NT5C3A: variants seen among roughly 807,000 people sequenced by gnomAD.
The protein encoded by NT5C3A is cytosolic 5'-nucleotidase 3A.
Under a neutral mutation model 40.0 loss-of-function variants are expected in NT5C3A, and 23 were observed. That is an observed-to-expected ratio of 0.58 (90% CI 0.41 to 0.81). The LOEUF is 0.81. Ranked by LOEUF, NT5C3A falls within the 40% of genes least tolerant of loss-of-function variation. The probability of loss-of-function intolerance (pLI) is 0.00; values close to 1 mark genes in which losing one functional copy is unlikely to be tolerated. For missense variants in NT5C3A, 328 were observed against 403.0 expected, an observed-to-expected ratio of 0.81 and a Z score of 1.59; for synonymous variants, 130 against 141.4, an observed-to-expected ratio of 0.92 and a Z score of 0.57.
chr7:33,022,244 A>T, intron 3 of NT5C3A, 145 bp from the exon 4 acceptor site: 1 of 621,606 alleles, frequency 1.6e-6, no homozygotes, highest in Non-Finnish European at 2.9e-6. Context: ...CAAGTCAACT[A>T]GCATGGTTAT....
In NT5C3A at chr7:33,026,849, C is replaced by T. The variant is rs1378334917; in HGVS notation, c.205G>A (p.Gly69Ser). Residue 69 changes from glycine to serine, a missense_variant, in exon 2 of 9, where the codon GGT becomes AGT. Transcript: ENST00000610140. Reference protein sequence around the residue: ...NPTRVEEIICGLIKGGAAKLQ... With the variant: ...NPTRVEEIICSLIKGGAAKLQ... ...TTGGCAGCTCCTCCTTTGATAAGAC[C>T]ACAGATAATTTCTTCTACTCTTGTA... 12 of 1,612,202 alleles carry T rather than the reference C, an allele frequency of 7.4e-6. No individual in the cohort carries two copies. The highest frequency in any genetic ancestry group is 1.0e-5 in the Non-Finnish European group (12 of 1,179,636).
intron 1 of NT5C3A, among the ~76,000 whole-genome samples, chr7:33,055,064 C>T (rs1433633090): frequency 6.6e-6 from 1 of 152,170 alleles, no homozygotes; most frequent in Non-Finnish European, 1.5e-5. Flanking sequence ...GTGGCTCACA[C>T]CTGTAATCCC....
intron 3 of NT5C3A, chr7:33,023,732 G>A: frequency 3.6e-6 from 1 of 275,206 alleles, no homozygotes; most frequent in Non-Finnish European, 6.9e-6. Context: ...GATAAATGGT[G>A]TTTCTTCAGG....
intron 1 of NT5C3A, among the ~76,000 whole-genome samples, chr7:33,051,273 C>A (rs1170679525): frequency 2.0e-5 from 3 of 152,030 alleles, no homozygotes; most frequent in Non-Finnish European, 4.4e-5. Flanking sequence ...AAGTGATTCT[C>A]CTGCCTCAGC....
chr7:33,034,059 T>C (rs1221742906), intron 1 of NT5C3A, among the ~76,000 whole-genome samples: 2 of 151,344 alleles, frequency 1.3e-5, no homozygotes, highest in Non-Finnish European at 2.9e-5. Context: ...CCTGGATAAT[T>C]TTTTTGTATT....
At position 33,039,555 on chromosome 7, in the gene NT5C3A, G is replaced by GTTTTTTTTTTTTTTT. The variant is rs776873396; in HGVS notation, c.139-12641_139-12640insAAAAAAAAAAAAAAA. Among the ~76,000 whole-genome samples the GTTTTTTTTTTTTTTT allele has an allele frequency of 1.4e-4, 10 of 70,034 alleles. 3 individuals are homozygous for GTTTTTTTTTTTTTTT. Among genetic ancestry groups the GTTTTTTTTTTTTTTT allele is most frequent in the South Asian group, 1.0e-3 (2 of 1,986 alleles). 45.9% of individuals were successfully genotyped at this position (70,034 alleles called of 152,430 possible). A position where few individuals can be genotyped will look rare whatever the true frequency, so the allele number is the denominator to read the frequency against. ...TACTATTTGACTTTCTTAAGCTTGG[G>GTTTTTTTTTTTTTTT]TTTTTTGTTTTTTTTTTTTTTTAAT... On this transcript the variant is annotated intron_variant, in intron 1 of 8. Transcript: ENST00000610140.
chr7:33,044,638 T>TC (rs2128012214), intron 1 of NT5C3A, among the ~76,000 whole-genome samples: 1 of 152,304 alleles, frequency 6.6e-6, no homozygotes, highest in Admixed American at 6.5e-5. Context: ...AGATTTTTTT[T>TC]CCTCCCCTTT....
chr7:33,061,515 T>C (rs1389469126), intron 1 of NT5C3A, among the ~76,000 whole-genome samples: 1 of 152,144 alleles, frequency 6.6e-6, no homozygotes, highest in Non-Finnish European at 1.5e-5. Flanking sequence ...GCCTCCCAAA[T>C]AGCTGGGACA....
At chr7:33,019,849 A>G (rs1785530673) in intron 5 of NT5C3A, 125 bp from the exon 6 acceptor site, 2 of 677,158 alleles carry the variant, frequency 3.0e-6, no homozygotes, top group African/African-American at 3.6e-5. Context: ...AATTTTAGAG[A>G]TTGAAGTTCA....
At chr7:33,016,911 G>A (rs937358802) in intron 7 of NT5C3A, among the ~76,000 whole-genome samples, 1 of 151,630 alleles carries the variant, frequency 6.6e-6, no homozygotes, top group Non-Finnish European at 1.5e-5. Context: ...GGCTATGTGT[G>A]GTGGCTCATG....
intron 1 of NT5C3A, among the ~76,000 whole-genome samples, chr7:33,028,275 T>C (rs1786057194): frequency 6.6e-6 from 1 of 152,084 alleles, no homozygotes; most frequent in Non-Finnish European, 1.5e-5. Context: ...TCTTAAAAAA[T>C]GGGTGTAGGC....
At chr7:33,062,438 C>T (rs1021277965) in intron 1 of NT5C3A, 130 bp downstream of exon 1, 5 of 827,770 alleles carry the variant, frequency 6.0e-6, no homozygotes, top group Middle Eastern at 3.5e-4. Context: ...CTAGCGAGAT[C>T]CCAGCCTGAC....
At chr7:33,028,342 T>C (rs1280975010) in intron 1 of NT5C3A, among the ~76,000 whole-genome samples, 1 of 152,238 alleles carries the variant, frequency 6.6e-6, no homozygotes, top group Non-Finnish European at 1.5e-5. Flanking sequence ...TCTTAAGTAT[T>C]ATTTCTTGTT....
intron 1 of NT5C3A, among the ~76,000 whole-genome samples, chr7:33,046,377 A>C (rs529548363): frequency 3.7e-4 from 56 of 152,226 alleles, no homozygotes; most frequent in African/African-American, 1.3e-3. Flanking sequence ...TATCCACAAA[A>C]AATGTTAAAA....
At chr7:33,021,480 C>T (rs1785628510) in intron 4 of NT5C3A, 123 bp from the exon 5 acceptor site, 1 of 1,177,244 alleles carries the variant, frequency 8.5e-7, no homozygotes, top group Non-Finnish European at 1.2e-6. Context: ...TGAGCTAATG[C>T]ATCAATTGAA....
chr7:33,015,662 ATACT>A lies in NT5C3A; in HGVS notation c.894+4_894+7del. The A allele has an allele frequency of 6.4e-7, 1 of 1,564,144 alleles. No individual in the cohort carries two copies. Among genetic ancestry groups the A allele is most frequent in the Non-Finnish European group, 8.8e-7 (1 of 1,136,644 alleles). ...TCTTCGAAAAAAATTACAGATTTGT[ATACT>A]TACTCTATCATTTAGATATCCAATT... On this transcript the variant is annotated splice_donor_5th_base_variant and intron_variant, in intron 8 of 8. Coordinates refer to ENST00000610140, the MANE Select transcript of NT5C3A (RefSeq NM_001002010.5).
chr7:33,060,440 C>T (rs1227554855), intron 1 of NT5C3A, among the ~76,000 whole-genome samples: 1 of 127,066 alleles, frequency 7.9e-6, no homozygotes, highest in Middle Eastern at 4.6e-3. Flanking sequence ...GCTGGGATTA[C>T]AGGTGTGAGC....
intron 1 of NT5C3A, chr7:33,036,265 G>T (rs142996449): frequency 0.014 from 6,034 of 425,872 alleles, 75 homozygotes; most frequent in South Asian, 0.023. Context: ...AAACACCGGC[G>T]GCACATATTG....
At chr7:33,056,662 C>T (rs539308992) in intron 1 of NT5C3A, among the ~76,000 whole-genome samples, 28 of 151,978 alleles carry the variant, frequency 1.8e-4, no homozygotes, top group African/African-American at 6.8e-4. Flanking sequence ...CAGGGTGAGA[C>T]CTAGTCTCAA....
Sources: allele counts gnomAD v4.1 joint callset (sites outside exome capture counted in the v4.1 genomes callset), GRCh38; gene constraint gnomAD v4.1.1; transcripts MANE v1.5; gene names NCBI Gene and HGNC (gene_info 2026-07-23, HGNC 2026-07-21).